Variants in RRP12 observed in about 807,000 individuals in gnomAD.
RRP12 encodes the protein ribosomal RNA processing 12 homolog.
In RRP12, 78 loss-of-function variants were observed where a neutral mutation model predicts 157.3. The ratio of observed to expected loss-of-function variants is 0.50; its 90% CI spans 0.41 to 0.60. RRP12 has a LOEUF of 0.60. RRP12 is among the 20% of genes least tolerant of loss of function. The pLI is 0.00. For synonymous variants in RRP12, 726 were observed against 670.9 expected (o/e 1.08, Z -1.27); for missense variants, 1,521 against 1,679.9 (o/e 0.91, Z 1.65).
At position 97,372,151 on chromosome 10, in the gene RRP12, G is replaced by A. The variant is rs919128635; in HGVS notation, c.2265C>T (p.Asp755=). Residue 755 remains aspartate, a synonymous_variant, in exon 20 of 34, where the codon GAC becomes GAT. Transcript: ENST00000370992. ...CACACGGAGCCAAGGCCACGACCAG[G>A]TCCAGGACAGACAATCTGCTCGGGG... The part of the protein sequence containing the change: ...SSDFTRLSVL[D]LVVALAPCAD... 3.1e-6 allele frequency: 5 copies of A among 1,613,444 alleles called. No individual in the cohort carries two copies. In the African/African-American group the frequency reaches 4.0e-5, roughly 13 times the overall value.
intron 30 of RRP12, among the ~76,000 whole-genome samples, chr10:97,362,657 A>T (rs1589410308): frequency 6.6e-6 from 1 of 152,114 alleles, no homozygotes; most frequent in Non-Finnish European, 1.5e-5. Flanking sequence ...GAGGGGCAGG[A>T]GGGTTTTCAG....
chr10:97,389,477 A>G (rs1030696860), intron 6 of RRP12, among the ~76,000 whole-genome samples: 3 of 152,138 alleles, frequency 2.0e-5, no homozygotes, highest in African/African-American at 7.2e-5. Flanking sequence ...GGTGAGGAAA[A>G]GATCATGTGA....
At chr10:97,400,028 T>C (rs2133108162) in intron 2 of RRP12, among the ~76,000 whole-genome samples, 1 of 152,358 alleles carries the variant, frequency 6.6e-6, no homozygotes, top group South Asian at 2.1e-4. Flanking sequence ...CATATGTTTA[T>C]TGAAAATACT....
chr10:97,371,848 C>T (rs1036131085), intron 20 of RRP12: 3 of 466,730 alleles, frequency 6.4e-6, no homozygotes, highest in South Asian at 7.1e-5. Context: ...ACAAGAGTCA[C>T]TCAGCACGCA....
chr10:97,359,079 A>C, intron 31 of RRP12, 69 bp from the exon 32 acceptor site: 1 of 1,218,068 alleles, frequency 8.2e-7, no homozygotes, highest in Non-Finnish European at 1.2e-6. Context: ...GGCAATGGGC[A>C]CCCTCTCTGA....
At chr10:97,358,307 T>C (rs555943937) in intron 33 of RRP12, among the ~76,000 whole-genome samples, 21 of 151,900 alleles carry the variant, frequency 1.4e-4, no homozygotes, top group African/African-American at 5.1e-4. Context: ...CACTCCAGCC[T>C]GGCGACAGAG....
At position 97,388,218 on chromosome 10, in the gene RRP12, T is replaced by A. The variant is rs869967; in HGVS notation, c.1017+34A>T. The A allele has an allele frequency of 2.9e-5, 47 of 1,612,048 alleles. No homozygotes were observed. In the Admixed American group the frequency reaches 7.7e-4, roughly 26 times the overall value. On this transcript the variant is annotated intron_variant, in intron 8 of 33. Transcript: ENST00000370992. ...GTTCCCCAAATGCCACCACTGCAGGTCCCCCTTTCTCCAGCTTTTGGGCCT... is the reference window on the plus strand; with the variant it reads ...GTTCCCCAAATGCCACCACTGCAGGACCCCCTTTCTCCAGCTTTTGGGCCT...
chr10:97,383,879 G>A (rs1361920703), intron 10 of RRP12, among the ~76,000 whole-genome samples: 7 of 152,184 alleles, frequency 4.6e-5, no homozygotes, highest in Admixed American at 2.0e-4. Flanking sequence ...CGCAGGGCTC[G>A]CAGCCCACCT....
In RRP12 at chr10:97,388,496, C is replaced by T. The variant is rs746260560; in HGVS notation, c.882G>A (p.Lys294=). The T allele has an allele frequency of 7.4e-6, 12 of 1,614,212 alleles. No individual in the cohort carries two copies. Among genetic ancestry groups the T allele is most frequent in the Non-Finnish European group, 9.3e-6 (11 of 1,180,032 alleles). ...TAKFCIQEIE[K]SGGSKEATTT... is the part of the protein sequence containing the mutation. ...TCCATTTGGGTTCCCCACCTCCAGACTTCTCAATCTCCTGGATGCAGAACT... is the reference window on the plus strand; with the variant it reads ...TCCATTTGGGTTCCCCACCTCCAGATTTCTCAATCTCCTGGATGCAGAACT... The change falls in exon 7 of 34, where the codon AAG becomes AAA. Residue 294 remains lysine, a synonymous_variant. Transcript: ENST00000370992.
chr10:97,383,947 C>A (rs1018659231), intron 10 of RRP12, among the ~76,000 whole-genome samples: 1 of 152,202 alleles, frequency 6.6e-6, no homozygotes, highest in Non-Finnish European at 1.5e-5. Context: ...CCTGTCAGAA[C>A]GAGCTGCACT....
rs1438452049 is a variant in RRP12 at position 97,390,738 on chromosome 10, C to A, written c.636+1G>T. On this transcript the variant is annotated splice_donor_variant, in intron 5 of 33. Coordinates refer to ENST00000370992, the MANE Select transcript of RRP12 (RefSeq NM_015179.4). LOFTEE classifies it high-confidence loss of function. ...TGAGAAACTAAACCCCAGACACTAA[C>A]CCATCGGAGGACAGAGGTGGAGCCG... 2 of 1,600,652 alleles carry A rather than the reference C, an allele frequency of 1.2e-6. No homozygotes were observed. Among genetic ancestry groups the A allele is most frequent in the Middle Eastern group, 1.7e-4 (1 of 6,034 alleles).
chr10:97,388,123 C>A (rs1844689706), intron 8 of RRP12, 129 bp downstream of exon 8: 4 of 1,181,376 alleles, frequency 3.4e-6, no homozygotes, highest in Non-Finnish European at 4.9e-6. Flanking sequence ...TAACGTAGTG[C>A]TGTTGGTTTT....
At chr10:97,381,590 C>G (rs1054472511) in intron 11 of RRP12, 107 bp from the exon 12 acceptor site, 15 of 1,223,532 alleles carry the variant, frequency 1.2e-5, no homozygotes, top group Admixed American at 9.2e-5. Context: ...TCGAAGAAAC[C>G]TATCTCCCAT....
rs1288428125 is a variant in RRP12 at position 97,366,467 on chromosome 10, T to C, written c.3370A>G (p.Lys1124Glu). 1 of 1,612,958 alleles carries C rather than the reference T, an allele frequency of 6.2e-7. No homozygotes were observed. The highest frequency in any genetic ancestry group is 8.5e-7 in the Non-Finnish European group (1 of 1,179,464). The change falls in exon 28 of 34, where the codon AAG becomes GAG. Residue 1124 changes from lysine to glutamate, a missense_variant. Lys to Glu is a moderately conservative substitution (Grantham distance 56). Coordinates refer to ENST00000370992, the MANE Select transcript of RRP12 (RefSeq NM_015179.4). ...TTACCCAGGACTCGTTGGGCCACCT[T>C]GGGATCCAGGAAGTTGAGGGGCTCG... ...GDEPLNFLDP[K>E]VAQRVLATQP...
chr10:97,374,494 T>C (rs7097555), intron 15 of RRP12, among the ~76,000 whole-genome samples: 149,504 of 151,800 alleles, frequency 0.98, 73,667 homozygotes, highest in Middle Eastern at 1. Flanking sequence ...AAACAGGGGC[T>C]GGGTGCAGTG....
At position 97,401,233 on chromosome 10, in the gene RRP12, T is replaced by C. The variant is rs2133111026; in HGVS notation, c.-2A>G. On this transcript the variant is annotated 5_prime_UTR_variant, in exon 1 of 34. Coordinates refer to ENST00000370992, the MANE Select transcript of RRP12 (RefSeq NM_015179.4). ...AGGCAACTTTCCCGAGCGACCCATG[T>C]TGACTAAGCCGTGGCGAGGAATGAG... is the stretch of plus-strand genomic sequence containing the variant. 1.2e-6 allele frequency: 2 copies of C among 1,614,146 alleles called. No individual in the cohort carries two copies. The highest frequency in any genetic ancestry group is 1.3e-5 in the African/African-American group (1 of 75,056).
chr10:97,366,957 C>G, intron 26 of RRP12, 48 bp from the exon 27 acceptor site: 3 of 1,609,190 alleles, frequency 1.9e-6, no homozygotes, highest in Non-Finnish European at 2.5e-6. Context: ...CCAGACAGCA[C>G]GACCCAGATG....
intron 30 of RRP12, among the ~76,000 whole-genome samples, chr10:97,362,889 G>A (rs1367525262): frequency 1.3e-5 from 2 of 152,190 alleles, no homozygotes; most frequent in Non-Finnish European, 2.9e-5. Context: ...TGACAAACAT[G>A]ACGCCAATGA....
Position 97,380,838 on chromosome 10 carries a change from G to C in RRP12, c.1494C>G (p.Phe498Leu). Residue 498 changes from phenylalanine to leucine, a missense_variant, in exon 13 of 34, where the codon TTC becomes TTG. Physicochemically the swap from Phe to Leu is conservative, Grantham distance 22. Coordinates refer to ENST00000370992, the MANE Select transcript of RRP12 (RefSeq NM_015179.4). ...SSVLQLLCVF[F>L]EACGRQAHPV... ...GGTGGGCCTGTCTCCCACACGCCTCGAAGAAGACACACAGCAGCTGCAACA... is the reference window on the plus strand; with the variant it reads ...GGTGGGCCTGTCTCCCACACGCCTCCAAGAAGACACACAGCAGCTGCAACA... 1 of 1,614,114 alleles carries C rather than the reference G, an allele frequency of 6.2e-7. No homozygotes were observed. Among genetic ancestry groups the C allele is most frequent in the South Asian group, 1.1e-5 (1 of 91,076 alleles).
Sources: allele counts gnomAD v4.1 joint callset (sites outside exome capture counted in the v4.1 genomes callset), GRCh38; gene constraint gnomAD v4.1.1; transcripts MANE v1.5; gene names NCBI Gene and HGNC (gene_info 2026-07-23, HGNC 2026-07-21).